LRRIQ3: variants seen among roughly 807,000 people sequenced by gnomAD.
The protein encoded by LRRIQ3 is leucine-rich repeat and IQ domain-containing protein 3.
Under a neutral mutation model 59.3 loss-of-function variants are expected in LRRIQ3, and 75 were observed. The observed-to-expected ratio is 1.26, with a 90% confidence interval of 1.05 to 1.53. The LOEUF (loss-of-function observed/expected upper bound fraction) is 1.53, where lower values mean the gene tolerates loss of function less well. Among genes scored for constraint, LRRIQ3 ranks in the 40% most tolerant of loss-of-function variants. The pLI is 0.00. For synonymous variants in LRRIQ3, 250 were observed against 231.3 expected (o/e 1.08, Z -0.73); for missense variants, 831 against 710.0 (o/e 1.17, Z -1.94).
chr1:74,050,545 T>C, intron 6 of LRRIQ3: 2 of 985,432 alleles, frequency 2.0e-6, no homozygotes, highest in Non-Finnish European at 2.4e-6. Flanking sequence ...TTGATTCTTC[T>C]GAACGTATTG....
intron 5 of LRRIQ3, among the ~76,000 whole-genome samples, chr1:74,088,751 C>T (rs1228487164): frequency 6.6e-6 from 1 of 151,270 alleles, no homozygotes; most frequent in Non-Finnish European, 1.5e-5. Flanking sequence ...TTTGAGGCCT[C>T]AAGTGAAAGA....
At chr1:74,138,240 G>A (rs1647161904) in intron 4 of LRRIQ3, among the ~76,000 whole-genome samples, 1 of 151,646 alleles carries the variant, frequency 6.6e-6, no homozygotes, top group Non-Finnish European at 1.5e-5. Context: ...TACAAGTATG[G>A]GGTAGAGGTC....
At chr1:74,172,954 T>G (rs1462757687) in intron 3 of LRRIQ3, among the ~76,000 whole-genome samples, 1 of 152,310 alleles carries the variant, frequency 6.6e-6, no homozygotes, top group South Asian at 2.1e-4. Flanking sequence ...TGTGAGGATT[T>G]AAATCCAAGG....
At chr1:74,169,871 C>T (rs980691321) in intron 3 of LRRIQ3, among the ~76,000 whole-genome samples, 20 of 152,062 alleles carry the variant, frequency 1.3e-4, no homozygotes, top group African/African-American at 3.9e-4. Flanking sequence ...AGGAAGTATG[C>T]AATGGTATCT....
chr1:74,182,773 T>A lies in LRRIQ3; in HGVS notation c.338A>T (p.Lys113Met). Residue 113 changes from lysine (K) to methionine (M), a missense_variant, in exon 3 of 8, where the codon AAG becomes ATG. Coordinates refer to ENST00000354431, the MANE Select transcript of LRRIQ3 (RefSeq NM_001105659.2). ...YLHDNGFAKL[K>M]NICVLSACPT... Reference sequence around the variant, plus strand: ...ACAGGCAGATAATACACATATATTCTTTAACTTTGCAAACCCATTGTCATG... The same window carrying A: ...ACAGGCAGATAATACACATATATTCATTAACTTTGCAAACCCATTGTCATG... 6.2e-7 allele frequency: 1 copy of A among 1,610,410 alleles called. No individual in the cohort carries two copies. Among genetic ancestry groups the A allele is most frequent in the Non-Finnish European group, 8.5e-7 (1 of 1,177,804 alleles).
intron 4 of LRRIQ3, among the ~76,000 whole-genome samples, chr1:74,147,809 G>T (rs1647674301): frequency 6.6e-6 from 1 of 152,038 alleles, no homozygotes; most frequent in South Asian, 2.1e-4. Flanking sequence ...TAAGCTTTCT[G>T]TATGTGGGTC....
intron 4 of LRRIQ3, among the ~76,000 whole-genome samples, chr1:74,145,771 A>G (rs948062865): frequency 3.9e-5 from 6 of 152,018 alleles, no homozygotes; most frequent in Admixed American, 1.3e-4. Context: ...CTTTTTATCT[A>G]GTTTTAAAAA....
chr1:74,130,996 C>A (rs981710689), intron 4 of LRRIQ3, among the ~76,000 whole-genome samples: 2 of 151,798 alleles, frequency 1.3e-5, no homozygotes, highest in African/African-American at 4.8e-5. Context: ...AAGACTAATA[C>A]AGAAGAAAAG....
At chr1:74,096,288 T>A (rs1029521017) in intron 5 of LRRIQ3, among the ~76,000 whole-genome samples, 1 of 152,094 alleles carries the variant, frequency 6.6e-6, no homozygotes, top group Non-Finnish European at 1.5e-5. Flanking sequence ...ACTGTTTTAG[T>A]ATTATTATAA....
At chr1:74,102,271 T>C (rs1358949480) in intron 5 of LRRIQ3, among the ~76,000 whole-genome samples, 1 of 152,036 alleles carries the variant, frequency 6.6e-6, no homozygotes, top group Non-Finnish European at 1.5e-5. Context: ...AAAGGTATAA[T>C]GTTGAATGTT....
At chr1:74,157,379 G>A (rs1007417376) in intron 3 of LRRIQ3, among the ~76,000 whole-genome samples, 7 of 151,918 alleles carry the variant, frequency 4.6e-5, no homozygotes, top group Non-Finnish European at 1.0e-4. Flanking sequence ...TCTATTATGA[G>A]TCTCATATCT....
At chr1:74,124,587 A>G (rs1267067395) in intron 4 of LRRIQ3, among the ~76,000 whole-genome samples, 2 of 151,760 alleles carry the variant, frequency 1.3e-5, no homozygotes, top group East Asian at 1.9e-4. Flanking sequence ...CAGATACCCA[A>G]TTTTCCCAAC....
At chr1:74,125,967 G>A (rs1272328397) in intron 4 of LRRIQ3, among the ~76,000 whole-genome samples, 1 of 151,814 alleles carries the variant, frequency 6.6e-6, no homozygotes, top group African/African-American at 2.4e-5. Flanking sequence ...ACTCATCAGT[G>A]AAGCCATCAG....
intron 4 of LRRIQ3, among the ~76,000 whole-genome samples, chr1:74,128,021 C>A (rs1570164616): frequency 2.0e-5 from 3 of 151,920 alleles, no homozygotes; most frequent in Admixed American, 2.0e-4. Flanking sequence ...TTTCCTTCAG[C>A]ACTTTAAATA....
chr1:74,168,868 T>C (rs558501903), intron 3 of LRRIQ3, among the ~76,000 whole-genome samples: 1 of 152,280 alleles, frequency 6.6e-6, no homozygotes, highest in South Asian at 2.1e-4. Context: ...ATCCATCACC[T>C]CTAAAAGTTC....
chr1:74,094,079 T>A (rs1557611321), intron 5 of LRRIQ3, among the ~76,000 whole-genome samples: 1 of 152,062 alleles, frequency 6.6e-6, no homozygotes, highest in Non-Finnish European at 1.5e-5. Context: ...CTTCTCACTA[T>A]GTCCTGATAT....
At chr1:74,084,150 C>G in intron 5 of LRRIQ3, 1 of 1,541,912 alleles carries the variant, frequency 6.5e-7, no homozygotes, top group Non-Finnish European at 8.7e-7. Flanking sequence ...CCTTTTGGCA[C>G]TGATGAGAGA....
chr1:74,070,915 G>T (rs1570065242), intron 6 of LRRIQ3, among the ~76,000 whole-genome samples: 1 of 151,234 alleles, frequency 6.6e-6, no homozygotes, highest in Non-Finnish European at 1.5e-5. Context: ...TCAGGAGAAA[G>T]ACACCTTACC....
intron 6 of LRRIQ3, among the ~76,000 whole-genome samples, chr1:74,054,546 G>A (rs1215535443): frequency 6.6e-6 from 1 of 151,932 alleles, no homozygotes; most frequent in Non-Finnish European, 1.5e-5. Context: ...AGATAATAAT[G>A]TGTTAGTTTA....
Sources: gnomAD v4.1 joint callset for allele counts (sites outside exome capture counted in the v4.1 genomes callset) on GRCh38, gnomAD v4.1.1 for gene constraint, MANE v1.5 for transcripts, NCBI Gene and HGNC (gene_info 2026-07-23, HGNC 2026-07-21) for gene names.